Variants in ZNF362 observed in about 807,000 individuals in gnomAD.
The protein encoded by ZNF362 is zinc finger protein 362, also known as rotund homolog.
Under a neutral mutation model 42.9 loss-of-function variants are expected in ZNF362, and 11 were observed. The ratio of observed to expected loss-of-function variants is 0.26; its 90% CI spans 0.16 to 0.42. The LOEUF (loss-of-function observed/expected upper bound fraction) is 0.42. ZNF362 is among the 20% of genes least tolerant of loss of function. ZNF362 has a pLI of 1.00. For synonymous variants in ZNF362, 255 were observed against 257.3 expected, an observed-to-expected ratio of 0.99 and a Z score of 0.09; for missense variants, 362 against 576.2, an observed-to-expected ratio of 0.63 and a Z score of 3.81.
At chr1:33,189,696 TAC>T in the ZNF362 span, among the ~76,000 whole-genome samples, 1,331 of 94,180 alleles carry the variant, frequency 0.014, 93 homozygotes, top group Middle Eastern at 0.032. Context: ...TATATATATA[TAC>T]ACATATATAC....
intron 6 of ZNF362, among the ~76,000 whole-genome samples, chr1:33,282,480 A>G (rs1268380789): frequency 6.6e-6 from 1 of 152,192 alleles, no homozygotes; most frequent in Non-Finnish European, 1.5e-5. Context: ...TGGGGCATAC[A>G]GTCTAGTTGA....
chr1:33,264,718 T>C (rs755357760), intron 1 of ZNF362, among the ~76,000 whole-genome samples: 9 of 151,932 alleles, frequency 5.9e-5, no homozygotes, highest in Non-Finnish European at 8.8e-5. Context: ...AGAGAGAAAA[T>C]GGACTTGACA....
intron 1 of ZNF362, among the ~76,000 whole-genome samples, chr1:33,256,893 C>G (rs544607333): frequency 1.3e-5 from 2 of 150,272 alleles, no homozygotes; most frequent in Admixed American, 1.3e-4. Flanking sequence ...GTGTCTGGGG[C>G]TGGTCTCCGA....
upstream of ZNF362, among the ~76,000 whole-genome samples, chr1:33,254,972 C>T (rs1343889867): frequency 2.0e-5 from 3 of 152,222 alleles, no homozygotes; most frequent in African/African-American, 7.2e-5. Context: ...TTCCCCACCT[C>T]GCTCACCCCA....
At chr1:33,185,612 A>T in the ZNF362 span, among the ~76,000 whole-genome samples, 1 of 152,150 alleles carries the variant, frequency 6.6e-6, no homozygotes, top group Non-Finnish European at 1.5e-5. Flanking sequence ...CTCCATTAAG[A>T]TGCAGAACAC....
At chr1:33,227,072 T>C in the ZNF362 span, among the ~76,000 whole-genome samples, 1 of 152,164 alleles carries the variant, frequency 6.6e-6, no homozygotes, top group Non-Finnish European at 1.5e-5. Context: ...ACAAGGTTTC[T>C]TTTTTGGGGT....
chr1:33,243,278 T>A, the ZNF362 span, among the ~76,000 whole-genome samples: 1 of 151,678 alleles, frequency 6.6e-6, no homozygotes, highest in Non-Finnish European at 1.5e-5. Context: ...TGCCTCAGCC[T>A]CCAGAGTAGC....
intron 8 of ZNF362, among the ~76,000 whole-genome samples, chr1:33,295,844 A>G (rs1042127801): frequency 2.0e-5 from 3 of 152,176 alleles, no homozygotes; most frequent in African/African-American, 7.2e-5. Context: ...CTTCTGTTTG[A>G]TCTAATATTC....
At chr1:33,129,680 A>G in the ZNF362 span, among the ~76,000 whole-genome samples, 1 of 152,100 alleles carries the variant, frequency 6.6e-6, no homozygotes, top group African/African-American at 2.4e-5. This position sits in a 1 kb window ranked among gnomAD's most constrained non-coding sequence, Gnocchi z 4.1. Flanking sequence ...GAGAAAACAC[A>G]TTTGGTCCAC....
At chr1:33,288,948 A>G (rs190978973) in intron 6 of ZNF362, among the ~76,000 whole-genome samples, 51 of 152,158 alleles carry the variant, frequency 3.4e-4, no homozygotes, top group Admixed American at 2.7e-3. Flanking sequence ...AAGAACAGGT[A>G]GCCTGGTCCT....
the ZNF362 span, among the ~76,000 whole-genome samples, chr1:33,250,512 C>T: frequency 2.0e-5 from 3 of 152,154 alleles, no homozygotes; most frequent in African/African-American, 7.2e-5. Context: ...TGAATGTTCT[C>T]ACTTGTAAGT....
At chr1:33,250,781 AAGAAGG>A in the ZNF362 span, among the ~76,000 whole-genome samples, 570 of 151,812 alleles carry the variant, frequency 3.8e-3, 4 homozygotes, top group Non-Finnish European at 6.0e-3. Flanking sequence ...AGGAAGAAGA[AAGAAGG>A]AGAAGGAGGA....
the ZNF362 span, among the ~76,000 whole-genome samples, chr1:33,228,932 C>T: frequency 6.6e-6 from 1 of 152,142 alleles, no homozygotes; most frequent in African/African-American, 2.4e-5. Flanking sequence ...TTGTTCGGTC[C>T]CTCCCTCTCT....
At chr1:33,169,988 T>C in the ZNF362 span, among the ~76,000 whole-genome samples, 3 of 152,176 alleles carry the variant, frequency 2.0e-5, 1 homozygote, top group South Asian at 6.2e-4. Flanking sequence ...ACTTGTACCC[T>C]GATGGCACAC....
the ZNF362 span, among the ~76,000 whole-genome samples, chr1:33,176,115 AAAGT>A: frequency 1.3e-5 from 2 of 152,178 alleles, no homozygotes; most frequent in Non-Finnish European, 2.9e-5. Flanking sequence ...TCTCCTTGGA[AAAGT>A]AACAGCAGAG....
intron 6 of ZNF362, among the ~76,000 whole-genome samples, chr1:33,291,608 A>T (rs1196214993): frequency 6.6e-6 from 1 of 152,214 alleles, no homozygotes; most frequent in Non-Finnish European, 1.5e-5. Flanking sequence ...GAAGAAAGTC[A>T]TTGGTAGCTT....
Position 33,280,034 on chromosome 1 carries a change from C to CTT in ZNF362, c.350-89_350-88insTT. 5.5e-6 allele frequency: 8 copies of CTT among 1,446,444 alleles called. No individual in the cohort carries two copies. The highest frequency in any genetic ancestry group is 7.3e-6 in the Non-Finnish European group (8 of 1,091,412). 89.6% of individuals were successfully genotyped at this position (1,446,444 alleles called of 1,614,324 possible). On this transcript the variant is annotated intron_variant, in intron 4 of 8. Transcript: ENST00000539719. This position sits in a 1 kb window ranked among gnomAD's most constrained non-coding sequence, Gnocchi z 5.6. ...ATAACTTATGAACGTTAAGGGGATG[C>CTT]TCGCCTGCCAAAATCACATAGCTGG...
the ZNF362 span, among the ~76,000 whole-genome samples, chr1:33,246,381 C>T: frequency 1.3e-5 from 2 of 152,178 alleles, no homozygotes; most frequent in Non-Finnish European, 2.9e-5. Flanking sequence ...TCTGATTGGC[C>T]TGGCTTGGGT....
the ZNF362 span, among the ~76,000 whole-genome samples, chr1:33,210,371 C>T: frequency 6.6e-6 from 1 of 152,060 alleles, no homozygotes; most frequent in African/African-American, 2.4e-5. Context: ...AGAATAAGTG[C>T]AATGTGGTGC....
Sources: allele counts gnomAD v4.1 joint callset (sites outside exome capture counted in the v4.1 genomes callset), GRCh38; gene constraint gnomAD v4.1.1; non-coding constraint Gnocchi (gnomAD v3.1); transcripts MANE v1.5; gene names NCBI Gene and HGNC (gene_info 2026-07-23, HGNC 2026-07-21).